The following RAB3B variants were observed in gnomAD, a reference collection of about 807,000 sequenced individuals.
RAB3B encodes RAB3B, member RAS oncogene family.
Under a neutral mutation model 20.5 loss-of-function variants are expected in RAB3B, and 11 were observed. That is an observed-to-expected ratio of 0.54 (90% confidence interval 0.34 to 0.89). RAB3B has a LOEUF of 0.89. RAB3B is among the 40% of genes least tolerant of loss of function. RAB3B has a pLI of 0.02. For missense variants in RAB3B, 225 were observed against 280.9 expected (o/e 0.80, Z 1.42); for synonymous variants, 99 against 106.3 (o/e 0.93, Z 0.42).
At chr1:51,935,649 T>A (rs1047961332) in intron 3 of RAB3B, among the ~76,000 whole-genome samples, 3 of 151,860 alleles carry the variant, frequency 2.0e-5, no homozygotes, top group East Asian at 3.9e-4. Flanking sequence ...GAACAGAGAC[T>A]GAGGGAGGAA....
chr1:51,975,442 C>T (rs1684995300), intron 2 of RAB3B, among the ~76,000 whole-genome samples: 1 of 152,168 alleles, frequency 6.6e-6, no homozygotes, highest in South Asian at 2.1e-4. Context: ...ACTTTCCTCC[C>T]AATATCCACA....
intron 2 of RAB3B, among the ~76,000 whole-genome samples, chr1:51,940,084 G>A (rs1369726519): frequency 6.6e-6 from 1 of 152,208 alleles, no homozygotes; most frequent in Admixed American, 6.5e-5. Context: ...AATATATGTT[G>A]TTACTCTCAT....
At position 51,914,776 on chromosome 1, in the gene RAB3B, G is replaced by A. The variant is rs1684058539; in HGVS notation, c.*5151C>T. On this transcript the variant is annotated 3_prime_UTR_variant, in exon 5 of 5. Coordinates refer to ENST00000371655, the MANE Select transcript of RAB3B (RefSeq NM_002867.4). Reference sequence around the variant, plus strand: ...GAAATCAATGAGATCCCAGGACACTGGTTATTGTAGTTCTTTCCCCTTCCC... The same window carrying A: ...GAAATCAATGAGATCCCAGGACACTAGTTATTGTAGTTCTTTCCCCTTCCC... 1 of 152,116 alleles carries A rather than the reference G, an allele frequency of 6.6e-6. No individual in the cohort carries two copies. The highest frequency in any genetic ancestry group is 2.4e-5 in the African/African-American group (1 of 41,412). The allele number at this position is 152,116 out of a possible 1,614,324, so 9.4% of individuals were successfully genotyped here. A position where few individuals can be genotyped will look rare whatever the true frequency, so the allele number is the denominator to read the frequency against.
At chr1:51,959,368 C>T (rs896422193) in intron 2 of RAB3B, among the ~76,000 whole-genome samples, 12 of 151,916 alleles carry the variant, frequency 7.9e-5, no homozygotes, top group African/African-American at 1.5e-4. Flanking sequence ...AAAAATTAGC[C>T]GGGTGTGGTG....
intron 2 of RAB3B, among the ~76,000 whole-genome samples, chr1:51,970,080 AACCC>A (rs1291669040): frequency 3.3e-5 from 5 of 151,418 alleles, no homozygotes; most frequent in Admixed American, 6.6e-5. Flanking sequence ...AAAAAAAAAA[AACCC>A]AAAAAACAAA....
rs565557482 is a variant in RAB3B, at chr1:51,963,059, T to C, written c.228+13831A>G. Among the ~76,000 whole-genome samples the C allele has an allele frequency of 1.2e-4, 19 of 152,356 alleles. 1 individual carries two copies. In the South Asian group the frequency reaches 3.9e-3, roughly 32 times the overall value. On this transcript the variant is annotated intron_variant, in intron 2 of 4. Coordinates refer to ENST00000371655, the MANE Select transcript of RAB3B (RefSeq NM_002867.4). ...TCTCCATAATTCTTGGTGATTTCAA[T>C]ATCCACATAGATGAGGCTTCCATCA... is the stretch of plus-strand genomic sequence containing the variant.
Position 51,919,025 on chromosome 1 carries a change from G to A in RAB3B, c.*902C>T, listed in dbSNP as rs954197305. The A allele has an allele frequency of 4.1e-5, 6 of 148,094 alleles. No homozygotes were observed. Among genetic ancestry groups the A allele is most frequent in the Non-Finnish European group, 8.9e-5 (6 of 67,384 alleles). The allele number at this position is 148,094 out of a possible 1,614,324, so 9.2% of individuals were successfully genotyped here. On this transcript the variant is annotated 3_prime_UTR_variant, in exon 5 of 5. Transcript: ENST00000371655. ...GGAGTCTCGCTCTGTCGCCCAGGCCGGACTGCGGACTGCAGTGGCGCAATC... is the reference window on the plus strand; with the variant it reads ...GGAGTCTCGCTCTGTCGCCCAGGCCAGACTGCGGACTGCAGTGGCGCAATC...
chr1:51,909,252 G>C lies in RAB3B; in HGVS notation c.*10675C>G, dbSNP rs549577055. On this transcript the variant is annotated 3_prime_UTR_variant, in exon 5 of 5. Transcript: ENST00000371655. ...GGGATCCTTGGAAAGGGCTCTGAGA[G>C]GGGTGTATTCGTTTCATTCTGAGAC... 1 of 148,190 alleles carries C rather than the reference G, an allele frequency of 6.7e-6. No individual in the cohort carries two copies. Among genetic ancestry groups the C allele is most frequent in the East Asian group, 1.9e-4 (1 of 5,186 alleles). 9.2% of individuals were successfully genotyped at this position (148,190 alleles called of 1,614,324 possible).
At chr1:51,921,032 T>C (rs1684165795) in intron 4 of RAB3B, among the ~76,000 whole-genome samples, 1 of 152,194 alleles carries the variant, frequency 6.6e-6, no homozygotes, top group Admixed American at 6.5e-5. Flanking sequence ...CTTTCTGTGA[T>C]GAAAAGAACT....
intron 3 of RAB3B, 69 bp downstream of exon 3, chr1:51,937,225 C>A: frequency 8.0e-7 from 1 of 1,243,638 alleles, no homozygotes. Flanking sequence ...GCACACAATA[C>A]AGGACCTAGC....
At chr1:51,989,682 G>C (rs2124326381) in intron 1 of RAB3B, among the ~76,000 whole-genome samples, 1 of 151,900 alleles carries the variant, frequency 6.6e-6, no homozygotes, top group Non-Finnish European at 1.5e-5. Flanking sequence ...GTAGGCCCCT[G>C]TGTCCATTTC....
rs1298259169 is a variant in RAB3B at position 51,915,040 on chromosome 1, G to A, written c.*4887C>T. On this transcript the variant is annotated 3_prime_UTR_variant, in exon 5 of 5. Coordinates refer to ENST00000371655, the MANE Select transcript of RAB3B (RefSeq NM_002867.4). Reference sequence around the variant, plus strand: ...CCTTGGGAGCCTGGTACTACCAGAGGGTATATCCCATCTACCCTTCTGCTA... The same window carrying A: ...CCTTGGGAGCCTGGTACTACCAGAGAGTATATCCCATCTACCCTTCTGCTA... 6.6e-6 allele frequency: 1 copy of A among 151,966 alleles called. No individual in the cohort carries two copies. The highest frequency in any genetic ancestry group is 1.5e-5 in the Non-Finnish European group (1 of 68,012). 9.4% of individuals were successfully genotyped at this position (151,966 alleles called of 1,614,324 possible). A position where few individuals can be genotyped will look rare whatever the true frequency, so the allele number is the denominator to read the frequency against.
At chr1:51,960,428 A>G (rs1684770298) in intron 2 of RAB3B, among the ~76,000 whole-genome samples, 1 of 152,192 alleles carries the variant, frequency 6.6e-6, no homozygotes, top group Non-Finnish European at 1.5e-5. Flanking sequence ...TCATTAGCAC[A>G]GAGCTGACAG....
rs2124256067 is a variant in RAB3B, at chr1:51,937,386, C to A, written c.255G>T (p.Arg85=). ...IWDTAGQERY[R]TITTAYYRGA... is the part of the protein sequence containing the mutation. ...CACGGTAATAGGCTGTTGTGATGGT[C>A]CGGTACCGCTCCTGCCCAGCTGTGT... Residue 85 remains arginine (R), a synonymous_variant, in exon 3 of 5, where the codon CGG becomes CGT. Transcript: ENST00000371655. 6.2e-7 allele frequency: 1 copy of A among 1,610,486 alleles called. No homozygotes were observed. The highest frequency in any genetic ancestry group is 8.5e-7 in the Non-Finnish European group (1 of 1,178,714).
intron 2 of RAB3B, among the ~76,000 whole-genome samples, chr1:51,973,775 A>C (rs913710029): frequency 4.9e-4 from 75 of 152,184 alleles, no homozygotes; most frequent in African/African-American, 1.8e-3. Context: ...AAAAGCTCAC[A>C]ATTGGCTGAA....
rs1557959187 is a variant in RAB3B, at chr1:51,915,286, T to A, written c.*4641A>T. On this transcript the variant is annotated 3_prime_UTR_variant, in exon 5 of 5. Coordinates refer to ENST00000371655, the MANE Select transcript of RAB3B (RefSeq NM_002867.4). Reference sequence around the variant, plus strand: ...TCTGTATTTATCTAGTGCTTAATAATGCTAGGCCCTAGTCGATAGTCAAAT... The same window carrying A: ...TCTGTATTTATCTAGTGCTTAATAAAGCTAGGCCCTAGTCGATAGTCAAAT... 1 of 152,156 alleles carries A rather than the reference T, an allele frequency of 6.6e-6. No individual in the cohort carries two copies. 9.4% of individuals were successfully genotyped at this position (152,156 alleles called of 1,614,324 possible).
chr1:51,965,094 T>C (rs1261689850), intron 2 of RAB3B, among the ~76,000 whole-genome samples: 4 of 151,802 alleles, frequency 2.6e-5, no homozygotes, highest in African/African-American at 9.7e-5. Flanking sequence ...TGGCACACAC[T>C]TGTAATCCCA....
rs1470985370 is a variant in RAB3B, at chr1:51,917,077, A to G, written c.*2850T>C. On this transcript the variant is annotated 3_prime_UTR_variant, in exon 5 of 5. Transcript: ENST00000371655. ...AGCTCTACCACTTACTTATTATGTG[A>G]CTTTAGAGGTCCAGCTAGAACCTCT... 6.6e-6 allele frequency: 1 copy of G among 152,180 alleles called. No individual in the cohort carries two copies. The highest frequency in any genetic ancestry group is 2.4e-5 in the African/African-American group (1 of 41,448). 9.4% of individuals were successfully genotyped at this position (152,180 alleles called of 1,614,324 possible). A position where few individuals can be genotyped will look rare whatever the true frequency, so the allele number is the denominator to read the frequency against.
At chr1:51,938,570 T>C (rs1684444455) in intron 2 of RAB3B, among the ~76,000 whole-genome samples, 1 of 152,120 alleles carries the variant, frequency 6.6e-6, no homozygotes, top group Non-Finnish European at 1.5e-5. Context: ...ATTAGTTTTA[T>C]AACTATATGT....
Sources: gnomAD v4.1 joint callset for allele counts (sites outside exome capture counted in the v4.1 genomes callset) on GRCh38, gnomAD v4.1.1 for gene constraint, MANE v1.5 for transcripts, NCBI Gene and HGNC (gene_info 2026-07-23, HGNC 2026-07-21) for gene names.